The following BCAM variants were observed in gnomAD, a reference collection of about 807,000 sequenced individuals.
BCAM encodes the protein basal cell adhesion molecule (Lutheran blood group), also known as basal cell adhesion molecule.
Under a neutral mutation model 72.4 loss-of-function variants are expected in BCAM, and 61 were observed. The observed-to-expected ratio is 0.84, with a 90% confidence interval of 0.69 to 1.04. BCAM has a LOEUF of 1.04. BCAM is among the 50% of genes least tolerant of loss of function. BCAM has a pLI of 0.00. For synonymous variants in BCAM, 408 were observed against 384.2 expected, an observed-to-expected ratio of 1.06 and a Z score of -0.73; for missense variants, 909 against 895.0, an observed-to-expected ratio of 1.02 and a Z score of -0.20.
chr19:44,820,676 C>A, intron 13 of BCAM, 29 bp from the exon 14 acceptor site: 3 of 1,389,426 alleles, frequency 2.2e-6, no homozygotes, highest in Non-Finnish European at 2.8e-6. Flanking sequence ...TCCAACACGA[C>A]GCCTCCGCCC....
At chr19:44,810,887 G>A (rs762999427) in intron 1 of BCAM, among the ~76,000 whole-genome samples, 11 of 151,622 alleles carry the variant, frequency 7.3e-5, no homozygotes, top group African/African-American at 2.4e-4. Context: ...GATGGAGGGC[G>A]AAAGGATCTC....
chr19:44,809,067 C>T, upstream of BCAM: 1 of 1,266,070 alleles, frequency 7.9e-7, no homozygotes, highest in South Asian at 2.4e-5. Flanking sequence ...GCCTCTGGCT[C>T]CCAGCCCCGC....
At chr19:44,811,089 G>A (rs1045934935) in intron 1 of BCAM, 136 bp from the exon 2 acceptor site, 24 of 1,315,640 alleles carry the variant, frequency 1.8e-5, no homozygotes, top group Middle Eastern at 5.4e-4. Context: ...AGGGAGGAGG[G>A]GCTGGCACCT....
Position 44,821,007 on chromosome 19 carries a change from C to A in BCAM, c.*86C>A. ...CTGCTCACGCCATGCCCGCCCCCGC[C>A]TTCCCTCTTCCCTCTTCCCTCTCCC... On this transcript the variant is annotated 3_prime_UTR_variant, in exon 15 of 15. Transcript: ENST00000270233. 1 of 1,374,014 alleles carries A rather than the reference C, an allele frequency of 7.3e-7. No individual in the cohort carries two copies. Among genetic ancestry groups the A allele is most frequent in the Non-Finnish European group, 9.6e-7 (1 of 1,045,404 alleles). The allele number at this position is 1,374,014 out of a possible 1,614,324, so 85.1% of individuals were successfully genotyped here.
At chr19:44,811,659 G>T (rs1808421179) in intron 2 of BCAM, 2 of 341,318 alleles carry the variant, frequency 5.9e-6, no homozygotes, top group Non-Finnish European at 1.1e-5. Flanking sequence ...GGCCGAGGCG[G>T]GTGGATCACG....
At position 44,812,559 on chromosome 19, in the gene BCAM, G is replaced by C. The variant is rs371536449; in HGVS notation, c.504+11G>C. On this transcript the variant is annotated intron_variant, in intron 4 of 14. Coordinates refer to ENST00000270233, the MANE Select transcript of BCAM (RefSeq NM_005581.5). This position sits in a 1 kb window ranked among gnomAD's most constrained non-coding sequence, Gnocchi z 5.3. The stretch of plus-strand genomic sequence containing the variant: ...GACTCTGCCCAGGAGGTACCTCTCG[G>C]GTGGACCTTGGCCCCAGGGTCCTGG... 1.9e-6 allele frequency: 3 copies of C among 1,613,980 alleles called. No homozygotes were observed. Among genetic ancestry groups the C allele is most frequent in the Non-Finnish European group, 2.5e-6 (3 of 1,179,908 alleles).
At chr19:44,811,126 G>C (rs185795793) in intron 1 of BCAM, 99 bp from the exon 2 acceptor site, 24 of 1,571,130 alleles carry the variant, frequency 1.5e-5, no homozygotes, top group Non-Finnish European at 2.0e-5. Context: ...GGGAGGAGGG[G>C]CTGGGACCTG....
rs28399625 is a variant in BCAM, at chr19:44,818,450, G to T, written c.1079-72G>T. Reference sequence around the variant, plus strand: ...ACTGTCCATTCATGTTTGCACCCCCGACCGCCCCTGGAGAGCCCCTAATTG... The same window carrying T: ...ACTGTCCATTCATGTTTGCACCCCCTACCGCCCCTGGAGAGCCCCTAATTG... On this transcript the variant is annotated intron_variant, in intron 8 of 14. Coordinates refer to ENST00000270233, the MANE Select transcript of BCAM (RefSeq NM_005581.5). This position sits in a 1 kb window ranked among gnomAD's most constrained non-coding sequence, Gnocchi z 4.6. The T allele has an allele frequency of 1.3e-3, 1,646 of 1,267,608 alleles. 19 individuals carry two copies. The African/African-American group carries it at 0.02, about 16-fold the overall frequency. 78.5% of individuals were successfully genotyped at this position (1,267,608 alleles called of 1,614,324 possible). A position where few individuals can be genotyped will look rare whatever the true frequency, so the allele number is the denominator to read the frequency against.
intron 12 of BCAM, 33 bp from the exon 13 acceptor site, chr19:44,819,549 T>C: frequency 1.9e-6 from 3 of 1,612,468 alleles, no homozygotes; most frequent in Non-Finnish European, 2.5e-6. Context: ...GCCCACTGCC[T>C]GACCCACGCC....
intron 8 of BCAM, among the ~76,000 whole-genome samples, chr19:44,817,626 C>A (rs1366892260): frequency 6.6e-6 from 1 of 151,624 alleles, no homozygotes; most frequent in Non-Finnish European, 1.5e-5. Flanking sequence ...CTCACTGCAA[C>A]CTCCACCTCC....
rs540398432 is a variant in BCAM at position 44,815,363 on chromosome 19, T to C, written c.1078+603T>C. ...GAAAGGCTGTATTCTCCCTTGGCAC[T>C]TCTTACATATCCCTTCCTGGGGTAG... On this transcript the variant is annotated intron_variant, in intron 8 of 14. Transcript: ENST00000270233. Among the ~76,000 whole-genome samples, 3 of 152,342 alleles carry C rather than the reference T, an allele frequency of 2.0e-5. No homozygotes were observed. The South Asian group carries it at 6.2e-4, about 32-fold the overall frequency.
In BCAM at chr19:44,812,703, A is replaced by G; in HGVS notation, c.504+155A>G. ...GGTGGCTCATGCCTGTAATCCCAGC[A>G]TTTTGGGAGGCAGAGGCAGGCGGAT... On this transcript the variant is annotated intron_variant, in intron 4 of 14. Transcript: ENST00000270233. This position sits in a 1 kb window ranked among gnomAD's most constrained non-coding sequence, Gnocchi z 5.3. 1.2e-6 allele frequency: 1 copy of G among 832,692 alleles called. No individual in the cohort carries two copies. Among genetic ancestry groups the G allele is most frequent in the Admixed American group, 2.9e-5 (1 of 34,154 alleles). The allele number at this position is 832,692 out of a possible 1,614,324, so 51.6% of individuals were successfully genotyped here.
At chr19:44,815,273 C>T (rs1968490091) in intron 8 of BCAM, among the ~76,000 whole-genome samples, 1 of 152,168 alleles carries the variant, frequency 6.6e-6, no homozygotes, top group Admixed American at 6.5e-5. Flanking sequence ...GTCTATTTCT[C>T]ACCAATCCCT....
In BCAM at chr19:44,820,979, G is replaced by A. The variant is rs1369276405; in HGVS notation, c.*58G>A. The A allele has an allele frequency of 6.6e-7, 1 of 1,509,224 alleles. No individual in the cohort carries two copies. Among genetic ancestry groups the A allele is most frequent in the African/African-American group, 1.4e-5 (1 of 71,166 alleles). 93.5% of individuals were successfully genotyped at this position (1,509,224 alleles called of 1,614,324 possible). A position where few individuals can be genotyped will look rare whatever the true frequency, so the allele number is the denominator to read the frequency against. On this transcript the variant is annotated 3_prime_UTR_variant, in exon 15 of 15. Coordinates refer to ENST00000270233, the MANE Select transcript of BCAM (RefSeq NM_005581.5). The stretch of plus-strand genomic sequence containing the variant: ...TGGAGCTGCAGGCATCAGAGAACCA[G>A]CCCTGCTCACGCCATGCCCGCCCCC...
Position 44,813,334 on chromosome 19 carries a change from G to C in BCAM, c.589G>C (p.Glu197Gln). Residue 197 changes from glutamate to glutamine, a missense_variant, in exon 5 of 15, where the codon GAG becomes CAG. By Grantham distance (29) the Glu-to-Gln change is conservative (BLOSUM62 2). Transcript: ENST00000270233. The surrounding 1 kb of genome is among the most constrained non-coding windows in gnomAD (Gnocchi z 4.2). ...RNGQRLEVPV[E>Q]MNPEGYMTSR... is the part of the protein sequence containing the mutation. Reference sequence around the variant, plus strand: ...CGGGCAGCGCCTGGAGGTGCCCGTAGAGATGAACCCAGGTGAGCAGCGCAG... The same window carrying C: ...CGGGCAGCGCCTGGAGGTGCCCGTACAGATGAACCCAGGTGAGCAGCGCAG... The C allele has an allele frequency of 6.2e-7, 1 of 1,613,954 alleles. No individual in the cohort carries two copies. The highest frequency in any genetic ancestry group is 8.5e-7 in the Non-Finnish European group (1 of 1,179,962).
rs1968468621 is a variant in BCAM at position 44,814,077 on chromosome 19, G to A, written c.785-75G>A. The stretch of plus-strand genomic sequence containing the variant: ...GCCATAGCCCTCACCTGGGATGCAG[G>A]GCTGACCTCTCGCCTGTCCTCTAGC... On this transcript the variant is annotated intron_variant, in intron 6 of 14. Coordinates refer to ENST00000270233, the MANE Select transcript of BCAM (RefSeq NM_005581.5). This position sits in a 1 kb window ranked among gnomAD's most constrained non-coding sequence, Gnocchi z 4.6. The A allele has an allele frequency of 6.0e-6, 9 of 1,491,902 alleles. No homozygotes were observed. The Admixed American group carries it at 2.1e-4, about 34-fold the overall frequency. 92.4% of individuals were successfully genotyped at this position (1,491,902 alleles called of 1,614,324 possible).
At position 44,813,919 on chromosome 19, in the gene BCAM, C is replaced by T. The variant is rs1968466238; in HGVS notation, c.785-233C>T. 6.6e-6 allele frequency among the ~76,000 whole-genome samples: 1 copy of T among 152,314 alleles called. No homozygotes were observed. Among genetic ancestry groups the T allele is most frequent in the Admixed American group, 6.5e-5 (1 of 15,302 alleles). On this transcript the variant is annotated intron_variant, in intron 6 of 14. Coordinates refer to ENST00000270233, the MANE Select transcript of BCAM (RefSeq NM_005581.5). The surrounding 1 kb of genome is among the most constrained non-coding windows in gnomAD (Gnocchi z 4.2). ...CCCCATGACATCTGGCTCCAAGTCT[C>T]ACACTGACCCATCGCCCATACGGAC...
intron 12 of BCAM, 30 bp downstream of exon 12, chr19:44,819,520 C>T (rs753776754): frequency 9.3e-6 from 15 of 1,613,496 alleles, no homozygotes; most frequent in East Asian, 6.7e-5. Context: ...GCAGAGGAGC[C>T]GGGTGTGGGG....
intron 1 of BCAM, among the ~76,000 whole-genome samples, chr19:44,810,217 C>T (rs1432860815): frequency 1.3e-5 from 2 of 152,106 alleles, no homozygotes; most frequent in Non-Finnish European, 2.9e-5. Flanking sequence ...CTCCACCAGG[C>T]CCCAGCCTCC....
Sources: allele counts gnomAD v4.1 joint callset (sites outside exome capture counted in the v4.1 genomes callset), GRCh38; gene constraint gnomAD v4.1.1; non-coding constraint Gnocchi (gnomAD v3.1); transcripts MANE v1.5; gene names NCBI Gene and HGNC (gene_info 2026-07-23, HGNC 2026-07-21).